YES1: variants seen among roughly 807,000 people sequenced by gnomAD.
YES1 encodes tyrosine-protein kinase Yes.
In YES1, 39 loss-of-function variants were observed where a neutral mutation model predicts 70.4. That is an observed-to-expected ratio of 0.55 (90% CI 0.43 to 0.72). YES1 has a LOEUF of 0.72. Among genes scored for constraint, YES1 ranks in the 30% least tolerant of loss-of-function variants. The pLI, the probability that YES1 is intolerant of heterozygous loss-of-function variation, is 0.00. For missense variants in YES1, 495 were observed against 644.8 expected (o/e 0.77, Z 2.52); for synonymous variants, 198 against 218.6 (o/e 0.91, Z 0.83).
intron 8 of YES1, among the ~76,000 whole-genome samples, chr18:742,343 G>T (rs1477172441): frequency 6.6e-6 from 1 of 151,892 alleles, no homozygotes; most frequent in African/African-American, 2.4e-5. Flanking sequence ...GGGAGGCCAG[G>T]CACAGTGGCT....
intron 1 of YES1, among the ~76,000 whole-genome samples, chr18:760,647 G>A (rs929979950): frequency 1.6e-4 from 24 of 152,098 alleles, no homozygotes; most frequent in African/African-American, 5.6e-4. Flanking sequence ...GGATCTTGAG[G>A]GATGACTAAA....
At chr18:728,143 C>T (rs1439917520) in intron 11 of YES1, among the ~76,000 whole-genome samples, 1 of 152,002 alleles carries the variant, frequency 6.6e-6, no homozygotes, top group African/African-American at 2.4e-5. Flanking sequence ...TGAGACCATC[C>T]TGGGCAACAT....
rs141795344 is a variant in YES1, at chr18:764,233, T to G, written c.-8-7398A>C. Among the ~76,000 whole-genome samples the G allele has an allele frequency of 2.6e-3, 402 of 152,276 alleles. 3 individuals are homozygous for G. The highest frequency in any genetic ancestry group is 9.2e-3 in the African/African-American group (381 of 41,554). On this transcript the variant is annotated intron_variant, in intron 1 of 11. Transcript: ENST00000314574. ...GACTCCAAAGTTTCCAGTTTTTTAT[T>G]TTTTTTGAGACTGAGTCTCACTCTT...
At chr18:770,363 C>A (rs919316660) in intron 1 of YES1, among the ~76,000 whole-genome samples, 3 of 151,682 alleles carry the variant, frequency 2.0e-5, no homozygotes, top group African/African-American at 4.8e-5. Context: ...GCTAGTAAAA[C>A]CTCAAATGCT....
chr18:763,136 T>C (rs557208610), intron 1 of YES1, among the ~76,000 whole-genome samples: 2 of 152,296 alleles, frequency 1.3e-5, no homozygotes, highest in East Asian at 3.9e-4. Flanking sequence ...AAAATTTCTC[T>C]GTTCCAAGAG....
intron 1 of YES1, among the ~76,000 whole-genome samples, chr18:806,566 T>A (rs984384643): frequency 3.3e-5 from 5 of 152,212 alleles, no homozygotes; most frequent in Non-Finnish European, 7.3e-5. Flanking sequence ...CTACATACAA[T>A]TCAGAATTTA....
intron 1 of YES1, among the ~76,000 whole-genome samples, chr18:757,254 A>C (rs1321033824): frequency 6.6e-6 from 1 of 152,222 alleles, no homozygotes; most frequent in Non-Finnish European, 1.5e-5. Flanking sequence ...CTGTAATCCC[A>C]GCACTTTGGG....
intron 1 of YES1, among the ~76,000 whole-genome samples, chr18:765,477 C>T (rs965302532): frequency 6.8e-6 from 1 of 147,148 alleles, no homozygotes. Flanking sequence ...TGGCTCAGTG[C>T]AACCTCCCGC....
intron 11 of YES1, among the ~76,000 whole-genome samples, chr18:730,304 G>A (rs1052124239): frequency 6.6e-6 from 1 of 150,848 alleles, no homozygotes; most frequent in Admixed American, 6.6e-5. Flanking sequence ...GACTCTCCCT[G>A]TGTATGTGCA....
intron 2 of YES1, 52 bp from the exon 3 acceptor site, chr18:751,856 C>T (rs767026943): frequency 1.1e-6 from 1 of 950,784 alleles, no homozygotes; most frequent in Non-Finnish European, 1.5e-6. Context: ...CTTAACAAAA[C>T]AGAAAAAAAG....
chr18:772,605 T>A (rs894252743), intron 1 of YES1, among the ~76,000 whole-genome samples: 5 of 151,902 alleles, frequency 3.3e-5, no homozygotes, highest in African/African-American at 1.2e-4. Context: ...GCTAATTTTG[T>A]ATTTTTAGTA....
At chr18:733,759 G>T (rs1197846298) in intron 10 of YES1, among the ~76,000 whole-genome samples, 1 of 123,070 alleles carries the variant, frequency 8.1e-6, no homozygotes, top group Non-Finnish European at 1.6e-5. Flanking sequence ...CTCCAGCCTG[G>T]GCAACAGAGT....
At chr18:799,910 CAA>C (rs573516522) in intron 1 of YES1, among the ~76,000 whole-genome samples, 1 of 140,304 alleles carries the variant, frequency 7.1e-6, no homozygotes, top group Non-Finnish European at 1.6e-5. Flanking sequence ...AAACAAAAAA[CAA>C]AAAAAAAAGA....
chr18:725,180 C>A (rs538059790), intron 11 of YES1, among the ~76,000 whole-genome samples: 14 of 151,676 alleles, frequency 9.2e-5, no homozygotes, highest in Admixed American at 5.9e-4. Flanking sequence ...TGTAATCCCC[C>A]CTTCCTCAAC....
intron 6 of YES1, among the ~76,000 whole-genome samples, chr18:745,031 G>A (rs1201600680): frequency 6.6e-6 from 1 of 152,094 alleles, no homozygotes; most frequent in Non-Finnish European, 1.5e-5. Flanking sequence ...CTTGATCAAT[G>A]TCAAGATTGC....
chr18:761,532 T>C (rs1056836214), intron 1 of YES1, among the ~76,000 whole-genome samples: 1 of 152,124 alleles, frequency 6.6e-6, no homozygotes, highest in Non-Finnish European at 1.5e-5. Context: ...GCTTAATTCC[T>C]CATCCTCACC....
chr18:731,243 G>A (rs2080084330), intron 11 of YES1, among the ~76,000 whole-genome samples: 1 of 152,096 alleles, frequency 6.6e-6, no homozygotes, highest in Non-Finnish European at 1.5e-5. Context: ...TGAAAGACAA[G>A]ATTACACAGG....
At chr18:744,521 C>G (rs1322398173) in intron 6 of YES1, among the ~76,000 whole-genome samples, 1 of 151,510 alleles carries the variant, frequency 6.6e-6, no homozygotes, top group East Asian at 1.9e-4. Context: ...TCCCAAGTAG[C>G]TGAGCCTACA....
intron 1 of YES1, among the ~76,000 whole-genome samples, chr18:811,545 C>T (rs1364988195): frequency 1.3e-5 from 2 of 152,156 alleles, no homozygotes; most frequent in Non-Finnish European, 2.9e-5. Flanking sequence ...TAAAAGTGGA[C>T]GCTGAATGGT....
Sources: allele counts gnomAD v4.1 joint callset (sites outside exome capture counted in the v4.1 genomes callset), GRCh38; gene constraint gnomAD v4.1.1; transcripts MANE v1.5; gene names NCBI Gene and HGNC (gene_info 2026-07-23, HGNC 2026-07-21).